Variants in QPCTL observed in about 807,000 individuals in gnomAD.
The protein encoded by QPCTL is glutaminyl-peptide cyclotransferase-like protein.
In QPCTL, 31 loss-of-function variants were observed where a neutral mutation model predicts 34.6. That is an observed-to-expected ratio of 0.90 (90% CI 0.67 to 1.21). QPCTL has a LOEUF of 1.21. Among genes scored for constraint, QPCTL ranks in the 50% most tolerant of loss-of-function variants. The pLI is 0.00. For synonymous variants in QPCTL, 223 were observed against 226.9 expected (o/e 0.98, Z 0.15); for missense variants, 474 against 507.8 (o/e 0.93, Z 0.64).
chr19:45,692,740 C>T lies in QPCTL; in HGVS notation c.37C>T (p.Leu13=), dbSNP rs1350441402. 6.4e-7 allele frequency: 1 copy of T among 1,572,600 alleles called. No homozygotes were observed. The highest frequency in any genetic ancestry group is 2.3e-5 in the East Asian group (1 of 42,940). Residue 13 remains leucine (L), a synonymous_variant, in exon 1 of 7, where the codon CTG becomes TTG. Transcript: ENST00000012049. The part of the protein sequence containing the change: ...SGGRGRPRLR[L]GERGLMEPLL... ...GGGCCGCGGGCGACCCCGCCTGCGG[C>T]TGGGGGAACGTGGCCTCATGGAGCC...
chr19:45,693,646 G>A (rs1272290571), intron 2 of QPCTL, 90 bp downstream of exon 2: 3 of 1,483,598 alleles, frequency 2.0e-6, no homozygotes, highest in Non-Finnish European at 1.8e-6. Flanking sequence ...GAAGCTAAGA[G>A]GAGGAACTGG....
Position 45,698,897 on chromosome 19 carries a change from A to C in QPCTL, c.883A>C (p.Ile295Leu), listed in dbSNP as rs1202299164. 2 of 1,613,410 alleles carry C rather than the reference A, an allele frequency of 1.2e-6. No individual in the cohort carries two copies. The highest frequency in any genetic ancestry group is 1.7e-6 in the Non-Finnish European group (2 of 1,179,502). Residue 295 changes from isoleucine to leucine, a missense_variant, in exon 5 of 7, where the codon ATT becomes CTT. Coordinates refer to ENST00000012049, the MANE Select transcript of QPCTL (RefSeq NM_017659.4). ...TVRWFHRLRS[I>L]EKRLHRLNLL... ...CCGCTGGTTCCATCGGCTGAGGAGC[A>C]TTGGTAAGGGTGAATGCGGAGGTGG... is the stretch of plus-strand genomic sequence containing the variant.
At chr19:45,701,495 C>T (rs1475632420) in intron 5 of QPCTL, among the ~76,000 whole-genome samples, 10 of 152,014 alleles carry the variant, frequency 6.6e-5, no homozygotes, top group African/African-American at 1.9e-4. Flanking sequence ...AAGCTGGTTT[C>T]GAACTCCTGA....
intron 6 of QPCTL, 25 bp downstream of exon 6, chr19:45,701,939 G>T (rs1201485594): frequency 6.3e-7 from 1 of 1,581,108 alleles, no homozygotes; most frequent in Non-Finnish European, 8.7e-7. Context: ...GAGGGATGGA[G>T]GGTGGGTGTC....
intron 5 of QPCTL, among the ~76,000 whole-genome samples, chr19:45,700,882 C>T (rs1449374131): frequency 2.0e-5 from 3 of 151,016 alleles, no homozygotes; most frequent in Non-Finnish European, 4.4e-5. Context: ...TTGCTTGAAC[C>T]CGGGAGGCGG....
intron 5 of QPCTL, among the ~76,000 whole-genome samples, chr19:45,701,012 T>C (rs1198911040): frequency 6.6e-6 from 1 of 150,486 alleles, no homozygotes; most frequent in Non-Finnish European, 1.5e-5. Flanking sequence ...CTCATGCCTG[T>C]AGTCCCAGAA....
In QPCTL at chr19:45,702,334, A is replaced by T. The variant is rs193036943; in HGVS notation, c.1003+420A>T. Among the ~76,000 whole-genome samples the T allele has an allele frequency of 2.8e-3, 419 of 151,994 alleles. 5 individuals carry two copies. The highest frequency in any genetic ancestry group is 9.5e-3 in the African/African-American group (393 of 41,434). On this transcript the variant is annotated intron_variant, in intron 6 of 6. Coordinates refer to ENST00000012049, the MANE Select transcript of QPCTL (RefSeq NM_017659.4). ...AAAAATTAGCCGGGCATGGTGGTTCACACCTATAGTCCCAGCTACTCGAGA... is the reference window on the plus strand; with the variant it reads ...AAAAATTAGCCGGGCATGGTGGTTCTCACCTATAGTCCCAGCTACTCGAGA...
chr19:45,693,390 C>T (rs774411431), intron 1 of QPCTL, 23 bp from the exon 2 acceptor site: 5 of 1,600,478 alleles, frequency 3.1e-6, no homozygotes, highest in Non-Finnish European at 4.3e-6. Flanking sequence ...TTCTTCCCTT[C>T]CCTATCCCAC....
intron 3 of QPCTL, 74 bp from the exon 4 acceptor site, chr19:45,698,473 C>A: frequency 1.3e-6 from 2 of 1,566,386 alleles, no homozygotes; most frequent in Non-Finnish European, 8.7e-7. Context: ...TGCAAGCGGG[C>A]AAGAAGTGTG....
intron 5 of QPCTL, among the ~76,000 whole-genome samples, chr19:45,700,735 C>G (rs887947213): frequency 6.6e-6 from 1 of 151,304 alleles, no homozygotes; most frequent in Non-Finnish European, 1.5e-5. Context: ...CCGAGGTGGG[C>G]GAATCACAAG....
chr19:45,694,670 C>T (rs1967655230), intron 2 of QPCTL, among the ~76,000 whole-genome samples: 1 of 151,738 alleles, frequency 6.6e-6, no homozygotes, highest in Admixed American at 6.6e-5. Flanking sequence ...GGGGTTTCAC[C>T]ATATTGGCCA....
In QPCTL at chr19:45,692,891, C is replaced by T. The variant is rs551391711; in HGVS notation, c.188C>T (p.Pro63Leu). The T allele has an allele frequency of 4.5e-6, 7 of 1,543,560 alleles. No homozygotes were observed. In the African/African-American group the frequency reaches 6.8e-5, roughly 15 times the overall value. The change falls in exon 1 of 7, where the codon CCG becomes CTG. Residue 63 changes from proline (P) to leucine (L), a missense_variant. Physicochemically the swap from Pro to Leu is moderately conservative, Grantham distance 98. Transcript: ENST00000012049. ...TGGCACCGCAGGACTGAGGAGCTGC[C>T]GCTGGGCCGGGAGCTGCGGGTGAGG... The part of the protein sequence containing the change: ...SGWHRRTEEL[P>L]LGRELRVPLI...
chr19:45,699,471 G>T (rs1386523411), intron 5 of QPCTL, among the ~76,000 whole-genome samples: 1 of 151,732 alleles, frequency 6.6e-6, no homozygotes, highest in African/African-American at 2.4e-5. Flanking sequence ...CTGGGCAACA[G>T]AATGAGATCC....
chr19:45,701,716 C>A, intron 5 of QPCTL, 82 bp from the exon 6 acceptor site: 1 of 1,057,560 alleles, frequency 9.5e-7, no homozygotes. Flanking sequence ...TCTCTGGGTG[C>A]TCTGCCTTCC....
At position 45,693,421 on chromosome 19, in the gene QPCTL, G is replaced by A. The variant is rs2146122677; in HGVS notation, c.216G>A (p.Leu72=). 2 of 1,611,084 alleles carry A rather than the reference G, an allele frequency of 1.2e-6. No homozygotes were observed. Among genetic ancestry groups the A allele is most frequent in the East Asian group, 4.5e-5 (2 of 44,704 alleles). The part of the protein sequence containing the change: ...LPLGRELRVP[L]IGSLPEARLR... ...CCCACCTCCTTCCCAAGGTCCCATT[G>A]ATCGGAAGCCTCCCCGAAGCCCGGC... The change falls in exon 2 of 7, where the codon TTG becomes TTA. Residue 72 remains leucine (L), a synonymous_variant. Transcript: ENST00000012049.
At chr19:45,693,725 C>G (rs962176937) in intron 2 of QPCTL, among the ~76,000 whole-genome samples, 169 bp downstream of exon 2, 15 of 152,184 alleles carry the variant, frequency 9.9e-5, no homozygotes. Flanking sequence ...GTACTGCCCC[C>G]CTTAATGCCC....
intron 2 of QPCTL, among the ~76,000 whole-genome samples, chr19:45,695,153 G>C (rs1043537886): frequency 6.6e-6 from 1 of 152,014 alleles, no homozygotes; most frequent in Non-Finnish European, 1.5e-5. Flanking sequence ...AGGCGTTGTA[G>C]GGGGCGCCTG....
At chr19:45,693,255 T>A (rs1967610749) in intron 1 of QPCTL, among the ~76,000 whole-genome samples, 158 bp from the exon 2 acceptor site, 1 of 152,058 alleles carries the variant, frequency 6.6e-6, no homozygotes, top group Admixed American at 6.6e-5. Flanking sequence ...TGGAAGGACT[T>A]TTCCTGAGCC....
chr19:45,694,759 G>A (rs1385818056), intron 2 of QPCTL, among the ~76,000 whole-genome samples: 4 of 151,906 alleles, frequency 2.6e-5, no homozygotes, highest in Non-Finnish European at 5.9e-5. Flanking sequence ...GTGAGCCACC[G>A]CGCCCGGCCT....
Sources: allele counts gnomAD v4.1 joint callset (sites outside exome capture counted in the v4.1 genomes callset), GRCh38; gene constraint gnomAD v4.1.1; transcripts MANE v1.5; gene names NCBI Gene and HGNC (gene_info 2026-07-23, HGNC 2026-07-21).